CFTR: variants seen among roughly 807,000 people sequenced by gnomAD.
CFTR encodes CF transmembrane conductance regulator.
CFTR carries 181 observed loss-of-function variants against 171.6 expected under a neutral mutation model. The observed-to-expected ratio is 1.05, with a 90% CI of 0.93 to 1.19. The LOEUF is 1.19. Ranked by LOEUF, CFTR falls within the 50% of genes most tolerant of loss-of-function variation. The probability of loss-of-function intolerance (pLI) is 0.00; values close to 1 mark genes in which losing one functional copy is unlikely to be tolerated. For missense variants in CFTR, 1,968 were observed against 1,734.7 expected (o/e 1.13, Z -2.39); for synonymous variants, 583 against 608.0 (o/e 0.96, Z 0.60).
At chr7:117,507,475 A>G (rs1798439354) in intron 2 of CFTR, among the ~76,000 whole-genome samples, 1 of 152,038 alleles carries the variant, frequency 6.6e-6, no homozygotes, top group Non-Finnish European at 1.5e-5. Context: ...CATTGAACCC[A>G]TTTTGTTGGT....
intron 9 of CFTR, among the ~76,000 whole-genome samples, chr7:117,543,892 T>TA (rs1799097048): frequency 6.6e-6 from 1 of 152,234 alleles, no homozygotes; most frequent in South Asian, 2.1e-4. Context: ...GTGACTTCTT[T>TA]AAAAGCTTTC....
chr7:117,540,814 A>T (rs867705372), intron 8 of CFTR, among the ~76,000 whole-genome samples: 2 of 152,216 alleles, frequency 1.3e-5, no homozygotes, highest in African/African-American at 4.8e-5. Context: ...GCATTATTTA[A>T]TCTAGGCCAG....
chr7:117,610,576 T>G lies in CFTR; in HGVS notation c.3046T>G (p.Phe1016Val), dbSNP rs2116080754. The G allele has an allele frequency of 6.2e-7, 1 of 1,613,550 alleles. No homozygotes were observed. Among genetic ancestry groups the G allele is most frequent in the Middle Eastern group, 1.7e-4 (1 of 6,058 alleles). Residue 1016 changes from phenylalanine to valine, a missense_variant, in exon 19 of 27, where the codon TTT (phenylalanine) becomes GTT (valine). Physicochemically the swap from Phe to Val is conservative, Grantham distance 50 (BLOSUM62 -1). Coordinates refer to ENST00000003084, the MANE Select transcript of CFTR (RefSeq NM_000492.4). ...TGTCGCAGTTTTACAACCCTACATC[T>G]TTGTTGCAACAGTGCCAGTGATAGT... Reference protein sequence around the residue: ...AVVAVLQPYIFVATVPVIVAF... With the variant: ...AVVAVLQPYIVVATVPVIVAF...
In CFTR at chr7:117,541,542, G is replaced by A. The variant is rs555474110; in HGVS notation, c.1117-474G>A. On this transcript the variant is annotated intron_variant, in intron 8 of 26. Coordinates refer to ENST00000003084, the MANE Select transcript of CFTR (RefSeq NM_000492.4). Reference sequence around the variant, plus strand: ...ATAGAGCCCTTCTTTTAGAATCACAGTTTGATGCCTTAAAACTAGTTATAT... The same window carrying A: ...ATAGAGCCCTTCTTTTAGAATCACAATTTGATGCCTTAAAACTAGTTATAT... Among the ~76,000 whole-genome samples, 17 of 152,236 alleles carry A rather than the reference G, an allele frequency of 1.1e-4. No homozygotes were observed. The South Asian group carries it at 3.3e-3, about 30-fold the overall frequency.
chr7:117,591,205 AT>A (rs886667426), intron 13 of CFTR, among the ~76,000 whole-genome samples: 64 of 152,218 alleles, frequency 4.2e-4, no homozygotes, highest in African/African-American at 1.5e-3. Flanking sequence ...CAACCCTGAG[AT>A]TGTGAAAAGT....
intron 10 of CFTR, among the ~76,000 whole-genome samples, chr7:117,556,964 A>G (rs1249322135): frequency 1.3e-5 from 2 of 152,094 alleles, no homozygotes; most frequent in East Asian, 3.8e-4. Flanking sequence ...ATTGTAACTC[A>G]TTAATTTATA....
chr7:117,506,252 T>G (rs1798414726), intron 2 of CFTR, among the ~76,000 whole-genome samples: 1 of 152,154 alleles, frequency 6.6e-6, no homozygotes, highest in African/African-American at 2.4e-5. Flanking sequence ...TTGTTGTTGT[T>G]GCTGTTGTTT....
chr7:117,642,463 CA>C lies in CFTR; in HGVS notation c.3744del (p.Lys1250ArgfsTer9), dbSNP rs121908784. 8 of 1,613,480 alleles carry C rather than the reference CA, an allele frequency of 5.0e-6. No homozygotes were observed. The Admixed American group carries it at 1.3e-4, about 27-fold the overall frequency. ...QRVGLLGRTG[S>X]GKSTLLSAFL... ...GTGGGCCTCTTGGGAAGAACTGGAT[CA>C]GGGAAGAGTACTTTGTTATCAGCTT... On this transcript the variant is annotated frameshift_variant, in exon 23 of 27. Coordinates refer to ENST00000003084, the MANE Select transcript of CFTR (RefSeq NM_000492.4). LOFTEE classifies it high-confidence loss of function.
intron 1 of CFTR, among the ~76,000 whole-genome samples, chr7:117,491,414 A>G (rs960046594): frequency 2.0e-5 from 3 of 152,092 alleles, no homozygotes; most frequent in African/African-American, 7.2e-5. Context: ...TAGGGCTACC[A>G]TAACAAAATA....
chr7:117,519,268 G>A (rs956741360), intron 3 of CFTR, among the ~76,000 whole-genome samples: 4 of 152,030 alleles, frequency 2.6e-5, no homozygotes, highest in Non-Finnish European at 4.4e-5. Flanking sequence ...TGGATTAAGC[G>A]TGAATATGTT....
intron 1 of CFTR, among the ~76,000 whole-genome samples, chr7:117,484,514 A>G (rs1462097161): frequency 6.6e-6 from 1 of 152,116 alleles, no homozygotes; most frequent in Non-Finnish European, 1.5e-5. Flanking sequence ...GACTTTCTAC[A>G]CCAGTCCCTC....
At chr7:117,641,477 C>T (rs578071186) in intron 22 of CFTR, among the ~76,000 whole-genome samples, 1 of 152,270 alleles carries the variant, frequency 6.6e-6, no homozygotes, top group African/African-American at 2.4e-5. Flanking sequence ...AGACCATTTG[C>T]TCAGTTATAG....
chr7:117,530,119 G>A (rs532583656), intron 3 of CFTR, among the ~76,000 whole-genome samples: 1 of 152,194 alleles, frequency 6.6e-6, no homozygotes, highest in South Asian at 2.1e-4. Flanking sequence ...AGGTATATTT[G>A]GGAAAACATA....
chr7:117,607,476 G>C (rs1792317363), intron 18 of CFTR, among the ~76,000 whole-genome samples: 1 of 152,130 alleles, frequency 6.6e-6, no homozygotes, highest in South Asian at 2.1e-4. Flanking sequence ...AGTGTTGTAA[G>C]CTGTGGTTGT....
chr7:117,627,412 T>G (rs888946450), intron 21 of CFTR, 110 bp from the exon 22 acceptor site: 2 of 1,121,864 alleles, frequency 1.8e-6, no homozygotes, highest in African/African-American at 3.1e-5. Context: ...AATAACCAAG[T>G]GACAAATAGC....
chr7:117,556,062 G>C (rs1215674777), intron 10 of CFTR, among the ~76,000 whole-genome samples: 1 of 151,946 alleles, frequency 6.6e-6, no homozygotes, highest in East Asian at 1.9e-4. Flanking sequence ...ATAAGATTTT[G>C]TTATTAATAT....
In CFTR at chr7:117,624,240, A is replaced by T. The variant is rs1366916; in HGVS notation, c.3469-3282A>T. Among the ~76,000 whole-genome samples, 277 of 152,294 alleles carry T rather than the reference A, an allele frequency of 1.8e-3. 4 individuals carry two copies. Among genetic ancestry groups the T allele is most frequent in the Admixed American group, 0.012 (189 of 15,276 alleles). On this transcript the variant is annotated intron_variant, in intron 21 of 26. Coordinates refer to ENST00000003084, the MANE Select transcript of CFTR (RefSeq NM_000492.4). ...GGAGTTTACAGAATGCCATGATATT[A>T]GGAATTAAGGAGTGTGTTGCCCTAC...
At chr7:117,493,066 A>G (rs1294995774) in intron 1 of CFTR, among the ~76,000 whole-genome samples, 8 of 152,086 alleles carry the variant, frequency 5.3e-5, no homozygotes, top group Non-Finnish European at 7.4e-5. Flanking sequence ...AAAGAAGAGA[A>G]TCTGGCACAG....
Position 117,627,654 on chromosome 7 carries a change from G to T in CFTR, c.3601G>T (p.Asp1201Tyr), listed in dbSNP as rs1182767623. The change falls in exon 22 of 27, where the codon GAT (aspartate) becomes TAT (tyrosine). Residue 1201 changes from aspartate (D) to tyrosine (Y), a missense_variant. Asp to Tyr is a radical substitution (Grantham distance 160). Coordinates refer to ENST00000003084, the MANE Select transcript of CFTR (RefSeq NM_000492.4). ...MIIENSHVKK[D>Y]DIWPSGGQMT... is the part of the protein sequence containing the mutation. The stretch of plus-strand genomic sequence containing the variant: ...TATTGAGAATTCACACGTGAAGAAA[G>T]ATGACATCTGGCCCTCAGGGGGCCA... 1 of 1,613,468 alleles carries T rather than the reference G, an allele frequency of 6.2e-7. No homozygotes were observed. The highest frequency in any genetic ancestry group is 1.7e-5 in the Admixed American group (1 of 59,944).
Sources: allele counts gnomAD v4.1 joint callset (sites outside exome capture counted in the v4.1 genomes callset), GRCh38; gene constraint gnomAD v4.1.1; transcripts MANE v1.5; gene names NCBI Gene and HGNC (gene_info 2026-07-23, HGNC 2026-07-21).